FAT3: variants seen among roughly 807,000 people sequenced by gnomAD.
FAT3 encodes FAT atypical cadherin 3.
FAT3 carries 95 observed loss-of-function variants against 310.2 expected under a neutral mutation model. The ratio of observed to expected loss-of-function variants is 0.31; its 90% CI spans 0.26 to 0.36. FAT3 has a LOEUF of 0.36. Ranked by LOEUF, FAT3 falls within the 10% of genes least tolerant of loss-of-function variation. FAT3 has a pLI of 1.00. For synonymous variants in FAT3, 2,314 were observed against 2,192.9 expected, an observed-to-expected ratio of 1.06 and a Z score of -1.54; for missense variants, 5,408 against 5,715.6, an observed-to-expected ratio of 0.95 and a Z score of 1.74.
At chr11:92,436,836 G>A (rs1565316024) in intron 2 of FAT3, among the ~76,000 whole-genome samples, 1 of 152,100 alleles carries the variant, frequency 6.6e-6, no homozygotes, top group Non-Finnish European at 1.5e-5. Flanking sequence ...AAGCCAGGGT[G>A]GTGTGACGTG....
intron 3 of FAT3, among the ~76,000 whole-genome samples, chr11:92,542,602 C>CTT (rs1202401078): frequency 6.6e-6 from 1 of 151,874 alleles, no homozygotes; most frequent in Non-Finnish European, 1.5e-5. Flanking sequence ...CTCAACATTA[C>CTT]TTATCATCAG....
At chr11:92,481,042 A>G (rs1175669376) in intron 2 of FAT3, among the ~76,000 whole-genome samples, 5 of 152,242 alleles carry the variant, frequency 3.3e-5, no homozygotes, top group Non-Finnish European at 7.3e-5. Context: ...TTAAGAGTGT[A>G]CTTCATTTAA....
chr11:92,498,346 C>G (rs1056910007), intron 2 of FAT3: 17 of 237,136 alleles, frequency 7.2e-5, no homozygotes, highest in Non-Finnish European at 1.3e-4. Flanking sequence ...CAAGCCTTTT[C>G]TTTGTCTTTT....
At chr11:92,287,841 T>C (rs981308938) in intron 1 of FAT3, among the ~76,000 whole-genome samples, 31 of 152,190 alleles carry the variant, frequency 2.0e-4, no homozygotes, top group Admixed American at 1.6e-3. Context: ...TCTAGAACTG[T>C]GCTGCTGTGA....
chr11:92,315,506 T>TAGAG (rs1947426429), intron 1 of FAT3, among the ~76,000 whole-genome samples: 63 of 86,576 alleles, frequency 7.3e-4, no homozygotes, highest in East Asian at 1.8e-3. Flanking sequence ...TATATATATA[T>TAGAG]ATATATAGAG....
chr11:92,717,415 G>T (rs1944723749), intron 4 of FAT3, among the ~76,000 whole-genome samples: 1 of 152,116 alleles, frequency 6.6e-6, no homozygotes, highest in Non-Finnish European at 1.5e-5. Flanking sequence ...ATGAGCAGTT[G>T]TATCCTCTCA....
chr11:92,401,265 C>T (rs1565287286), intron 2 of FAT3, among the ~76,000 whole-genome samples: 2 of 152,136 alleles, frequency 1.3e-5, no homozygotes, highest in Non-Finnish European at 2.9e-5. Flanking sequence ...CACACTTTCA[C>T]AGGCTTTTCC....
chr11:92,716,021 A>G (rs575102572), intron 4 of FAT3, among the ~76,000 whole-genome samples: 3 of 152,300 alleles, frequency 2.0e-5, no homozygotes, highest in African/African-American at 7.2e-5. Flanking sequence ...GGATGGTGGC[A>G]TGATCAACGT....
In FAT3 at chr11:92,687,834, G is replaced by A. The variant is rs1438612343; in HGVS notation, c.3608-9550G>A. Among the ~76,000 whole-genome samples the A allele has an allele frequency of 2.0e-5, 3 of 151,962 alleles. No individual in the cohort carries two copies. In the East Asian group the frequency reaches 5.8e-4, roughly 30 times the overall value. On this transcript the variant is annotated intron_variant, in intron 3 of 27. Coordinates refer to ENST00000525166, the MANE Select transcript of FAT3 (RefSeq NM_001367949.2). ...ATGCAGAAGTGAAATTGTAGCTGAT[G>A]GAAGCCAGTATAGTATGGGAAGGCA...
chr11:92,376,292 A>G (rs1949342986), intron 2 of FAT3, among the ~76,000 whole-genome samples: 1 of 152,140 alleles, frequency 6.6e-6, no homozygotes. Flanking sequence ...TGATCAAACC[A>G]AAGCAGTTTC....
chr11:92,478,968 T>TTTTCA (rs1555058202), intron 2 of FAT3, among the ~76,000 whole-genome samples: 1 of 70,030 alleles, frequency 1.4e-5, no homozygotes. Flanking sequence ...TTTTCTTTTC[T>TTTTCA]TTTCTTTTCT....
chr11:92,541,935 G>A (rs907932705), intron 3 of FAT3, among the ~76,000 whole-genome samples: 2 of 152,006 alleles, frequency 1.3e-5, no homozygotes, highest in Admixed American at 6.6e-5. Context: ...TCTATGATAG[G>A]TTTAGAATCA....
intron 7 of FAT3, among the ~76,000 whole-genome samples, chr11:92,782,482 T>C (rs1193062500): frequency 6.6e-6 from 1 of 152,028 alleles, no homozygotes; most frequent in East Asian, 1.9e-4. Context: ...GATGGCAGGA[T>C]GATCCCCTGA....
intron 13 of FAT3, among the ~76,000 whole-genome samples, chr11:92,813,164 C>T (rs1294585424): frequency 6.6e-6 from 1 of 152,168 alleles, no homozygotes; most frequent in African/African-American, 2.4e-5. Flanking sequence ...ATTACCCAGT[C>T]TCCGGTATAT....
chr11:92,271,255 C>T (rs1946115574), intron 1 of FAT3, among the ~76,000 whole-genome samples: 1 of 152,128 alleles, frequency 6.6e-6, no homozygotes, highest in African/African-American at 2.4e-5. Context: ...ACTCTGGTTT[C>T]ATCTCTTTCC....
chr11:92,869,642 C>G (rs751161348), intron 22 of FAT3, among the ~76,000 whole-genome samples: 5 of 152,018 alleles, frequency 3.3e-5, no homozygotes, highest in African/African-American at 4.8e-5. Flanking sequence ...TCCTTAAATT[C>G]GTGCCAAACA....
At chr11:92,659,191 C>G (rs1187276452) in intron 3 of FAT3, among the ~76,000 whole-genome samples, 1 of 152,170 alleles carries the variant, frequency 6.6e-6, no homozygotes, top group Non-Finnish European at 1.5e-5. Flanking sequence ...GTTGAAAATA[C>G]TAAAATTCAC....
At chr11:92,877,585 C>A (rs551396789) in intron 22 of FAT3, among the ~76,000 whole-genome samples, 2 of 152,158 alleles carry the variant, frequency 1.3e-5, no homozygotes, top group Non-Finnish European at 2.9e-5. Context: ...TCTGAACAGA[C>A]GATAAGATGA....
At chr11:92,416,836 A>G (rs1473957548) in intron 2 of FAT3, among the ~76,000 whole-genome samples, 1 of 152,208 alleles carries the variant, frequency 6.6e-6, no homozygotes, top group Non-Finnish European at 1.5e-5. Flanking sequence ...AGCATCCTTT[A>G]CAGATGCAGA....
Sources: gnomAD v4.1 joint callset for allele counts (sites outside exome capture counted in the v4.1 genomes callset) on GRCh38, gnomAD v4.1.1 for gene constraint, MANE v1.5 for transcripts, NCBI Gene and HGNC (gene_info 2026-07-23, HGNC 2026-07-21) for gene names.